The following ANKRD6 variants were observed in gnomAD, a reference collection of about 807,000 sequenced individuals.
The protein encoded by ANKRD6 is ankyrin repeat domain-containing protein 6.
A neutral mutation model predicts 82.3 loss-of-function variants in ANKRD6; 56 were observed. The ratio of observed to expected loss-of-function variants is 0.68; its 90% confidence interval spans 0.55 to 0.85. The LOEUF (loss-of-function observed/expected upper bound fraction) is 0.85, where lower values mean the gene tolerates loss of function less well. Ranked by LOEUF, ANKRD6 falls within the 40% of genes least tolerant of loss-of-function variation. The probability of loss-of-function intolerance (pLI) is 0.00; values close to 1 mark genes in which losing one functional copy is unlikely to be tolerated. For synonymous variants in ANKRD6, 347 were observed against 352.1 expected, an observed-to-expected ratio of 0.99 and a Z score of 0.16; for missense variants, 852 against 907.6, an observed-to-expected ratio of 0.94 and a Z score of 0.79.
At chr6:89,628,034 C>T (rs968661195) in intron 14 of ANKRD6, among the ~76,000 whole-genome samples, 1 of 152,220 alleles carries the variant, frequency 6.6e-6, no homozygotes, top group East Asian at 1.9e-4. Flanking sequence ...TACTGTCTCA[C>T]CAAGATAAGA....
In ANKRD6 at chr6:89,567,006, T is replaced by A. The variant is rs1180505375; in HGVS notation, c.30T>A (p.Leu10=). 6.2e-7 allele frequency: 1 copy of A among 1,602,502 alleles called. No homozygotes were observed. The highest frequency in any genetic ancestry group is 8.5e-7 in the Non-Finnish European group (1 of 1,174,436). The part of the protein sequence containing the change: MSQQDAVAA[L]SERLLVAAYK... Reference sequence around the variant, plus strand: ...GCCAGCAAGATGCGGTCGCTGCACTTTCAGAGCGCCTTCTCGTAGCTGCGT... The same window carrying A: ...GCCAGCAAGATGCGGTCGCTGCACTATCAGAGCGCCTTCTCGTAGCTGCGT... Residue 10 remains leucine, a synonymous_variant, in exon 2 of 16, where the codon CTT becomes CTA. Coordinates refer to ENST00000339746, the MANE Select transcript of ANKRD6 (RefSeq NM_001242809.2).
chr6:89,437,954 C>T (rs1770857626), intron 1 of ANKRD6, among the ~76,000 whole-genome samples: 1 of 152,102 alleles, frequency 6.6e-6, no homozygotes, highest in South Asian at 2.1e-4. Context: ...AACACCACGC[C>T]CTACTATTTT....
At chr6:89,462,241 AT>A (rs1232374138) in intron 1 of ANKRD6, among the ~76,000 whole-genome samples, 9,454 of 147,398 alleles carry the variant, frequency 0.064, 368 homozygotes, top group South Asian at 0.13. Flanking sequence ...CAAAATAATA[AT>A]AATAATAATA....
chr6:89,526,449 T>C (rs1421707967), intron 1 of ANKRD6, among the ~76,000 whole-genome samples: 1 of 152,210 alleles, frequency 6.6e-6, no homozygotes, highest in South Asian at 2.1e-4. Context: ...GTAGTCCTGT[T>C]GGCAGGCTCT....
chr6:89,444,569 A>G (rs1771826541), intron 1 of ANKRD6, among the ~76,000 whole-genome samples: 1 of 152,224 alleles, frequency 6.6e-6, no homozygotes, highest in Non-Finnish European at 1.5e-5. Context: ...ATAAGTAAAC[A>G]TTTTATCATC....
At chr6:89,478,756 C>CAAA (rs139491926) in intron 1 of ANKRD6, among the ~76,000 whole-genome samples, 5 of 107,954 alleles carry the variant, frequency 4.6e-5, no homozygotes, top group East Asian at 2.8e-4. Flanking sequence ...GACTCTGTCT[C>CAAA]AAAAAAAAAA....
At chr6:89,572,622 T>C (rs1790182885) in intron 2 of ANKRD6, among the ~76,000 whole-genome samples, 1 of 152,234 alleles carries the variant, frequency 6.6e-6, no homozygotes, top group Admixed American at 6.5e-5. Flanking sequence ...CATGAAGCTT[T>C]TCCCCTTGTA....
At chr6:89,448,902 C>T (rs1311206099) in intron 1 of ANKRD6, among the ~76,000 whole-genome samples, 3 of 151,152 alleles carry the variant, frequency 2.0e-5, no homozygotes, top group African/African-American at 4.9e-5. Flanking sequence ...TGTTGGCGGG[C>T]GCCTGTAGTC....
chr6:89,500,085 T>C (rs1404024643), intron 1 of ANKRD6, among the ~76,000 whole-genome samples: 2 of 151,658 alleles, frequency 1.3e-5, no homozygotes, highest in African/African-American at 2.4e-5. Flanking sequence ...GTGATGTGAA[T>C]GGTCACCTTT....
intron 12 of ANKRD6, among the ~76,000 whole-genome samples, 193 bp downstream of exon 12, chr6:89,624,250 G>T (rs547703178): frequency 6.7e-4 from 102 of 152,346 alleles, no homozygotes; most frequent in African/African-American, 2.4e-3. Flanking sequence ...GGCAGACAGG[G>T]TGTGTAGCTG....
intron 1 of ANKRD6, among the ~76,000 whole-genome samples, chr6:89,473,401 TAAA>T (rs535883417): frequency 3.0e-5 from 4 of 133,866 alleles, no homozygotes; most frequent in Non-Finnish European, 1.6e-5. Context: ...AGACTCTGTC[TAAA>T]AAAAAAAAAA....
At chr6:89,503,840 A>G in intron 1 of ANKRD6, among the ~76,000 whole-genome samples, 1 of 152,114 alleles carries the variant, frequency 6.6e-6, no homozygotes, top group Non-Finnish European at 1.5e-5. Context: ...GAGGGACCAT[A>G]GTGCAAGGCC....
chr6:89,551,832 A>G (rs180925623), intron 1 of ANKRD6, among the ~76,000 whole-genome samples: 2 of 152,324 alleles, frequency 1.3e-5, no homozygotes, highest in East Asian at 1.9e-4. Context: ...CCTGAGAGAG[A>G]TGTTTATTTT....
chr6:89,440,229 G>C (rs1016972502), intron 1 of ANKRD6, among the ~76,000 whole-genome samples: 2 of 152,180 alleles, frequency 1.3e-5, no homozygotes, highest in Non-Finnish European at 2.9e-5. Flanking sequence ...TAGAACTCTG[G>C]CTTATATAGC....
chr6:89,472,568 C>G (rs1236516541), intron 1 of ANKRD6, among the ~76,000 whole-genome samples: 1 of 152,174 alleles, frequency 6.6e-6, no homozygotes, highest in Non-Finnish European at 1.5e-5. Flanking sequence ...CCACTGAAAC[C>G]ACTGTGTTCT....
rs1486631758 is a variant in ANKRD6, at chr6:89,631,133, T to C, written c.*129T>C. ...GCCTTTTTAAAAAAATCACTAATTC[T>C]ACAATGTGCCAGATACATGTTTCCT... On this transcript the variant is annotated 3_prime_UTR_variant, in exon 16 of 16. Transcript: ENST00000339746. 10 of 1,392,180 alleles carry C rather than the reference T, an allele frequency of 7.2e-6. No individual in the cohort carries two copies. Among genetic ancestry groups the C allele is most frequent in the Non-Finnish European group, 9.3e-6 (10 of 1,073,014 alleles). 86.2% of individuals were successfully genotyped at this position (1,392,180 alleles called of 1,614,324 possible).
chr6:89,458,268 T>A (rs1773715047), intron 1 of ANKRD6, among the ~76,000 whole-genome samples: 1 of 152,238 alleles, frequency 6.6e-6, no homozygotes, highest in Non-Finnish European at 1.5e-5. Flanking sequence ...GGGCTATAAC[T>A]GTGGAAAAGT....
chr6:89,576,565 A>G (rs1791151539), intron 2 of ANKRD6, among the ~76,000 whole-genome samples: 1 of 152,086 alleles, frequency 6.6e-6, no homozygotes, highest in African/African-American at 2.4e-5. Context: ...TCATCTAGAC[A>G]ATATATTTTG....
At chr6:89,606,228 A>G in intron 5 of ANKRD6, 123 bp downstream of exon 5, 1 of 715,700 alleles carries the variant, frequency 1.4e-6, no homozygotes. Flanking sequence ...AGGAACCTGA[A>G]GGTCCATTCG....
Sources: allele counts gnomAD v4.1 joint callset (sites outside exome capture counted in the v4.1 genomes callset), GRCh38; gene constraint gnomAD v4.1.1; transcripts MANE v1.5; gene names NCBI Gene and HGNC (gene_info 2026-07-23, HGNC 2026-07-21).